The following ZFAND6 variants were observed in gnomAD, a reference collection of about 807,000 sequenced individuals.
The protein encoded by ZFAND6 is zinc finger AN1-type containing 6, also known as AN1-type zinc finger protein 6.
A neutral mutation model predicts 24.5 loss-of-function variants in ZFAND6; 12 were observed. The ratio of observed to expected loss-of-function variants is 0.49; its 90% CI spans 0.31 to 0.79. The LOEUF (loss-of-function observed/expected upper bound fraction) is 0.79. ZFAND6 is among the 30% of genes least tolerant of loss of function. ZFAND6 has a pLI of 0.04. For synonymous variants in ZFAND6, 92 were observed against 81.5 expected, an observed-to-expected ratio of 1.13 and a Z score of -0.69; for missense variants, 207 against 245.9, an observed-to-expected ratio of 0.84 and a Z score of 1.06.
intron 2 of ZFAND6, among the ~76,000 whole-genome samples, chr15:80,105,564 A>G (rs533121803): frequency 7.2e-5 from 11 of 152,320 alleles, no homozygotes; most frequent in Admixed American, 6.5e-4. Context: ...TATTTTCACA[A>G]TCACCGTCCC....
intron 2 of ZFAND6, 122 bp from the exon 3 acceptor site, chr15:80,120,206 C>G: frequency 1.3e-6 from 1 of 748,166 alleles, no homozygotes; most frequent in East Asian, 3.1e-5. Context: ...TGTCTTGGGA[C>G]AGTTATGTAG....
intron 1 of ZFAND6, among the ~76,000 whole-genome samples, chr15:80,091,667 C>T (rs573408530): frequency 1.9e-4 from 29 of 151,814 alleles, no homozygotes; most frequent in African/African-American, 6.8e-4. Flanking sequence ...GAGACAGGAT[C>T]TTGCTCTTGT....
chr15:80,100,477 T>C (rs539529088), intron 2 of ZFAND6, among the ~76,000 whole-genome samples: 3 of 150,604 alleles, frequency 2.0e-5, no homozygotes, highest in South Asian at 2.1e-4. Context: ...CAAATTTCTT[T>C]TTATCTCTCT....
intron 6 of ZFAND6, among the ~76,000 whole-genome samples, chr15:80,134,816 A>G (rs1036918473): frequency 1.3e-5 from 2 of 152,264 alleles, no homozygotes; most frequent in Non-Finnish European, 2.9e-5. Context: ...AAAGCGTGCA[A>G]GAAAACAGAT....
intron 1 of ZFAND6, among the ~76,000 whole-genome samples, chr15:80,063,105 A>G (rs910735255): frequency 4.6e-5 from 7 of 152,010 alleles, no homozygotes; most frequent in Admixed American, 3.9e-4. Context: ...TAAAATTGAA[A>G]CCTCTTACTG....
intron 1 of ZFAND6, among the ~76,000 whole-genome samples, chr15:80,074,541 A>G (rs933730081): frequency 6.6e-6 from 1 of 151,892 alleles, no homozygotes; most frequent in Non-Finnish European, 1.5e-5. Context: ...AACCTTTGTC[A>G]TTATTTGTGC....
intron 1 of ZFAND6, among the ~76,000 whole-genome samples, chr15:80,098,032 A>G (rs2038833421): frequency 6.6e-6 from 1 of 152,228 alleles, no homozygotes; most frequent in African/African-American, 2.4e-5. Context: ...GTGCTATGAC[A>G]TGTATACTTG....
intron 1 of ZFAND6, among the ~76,000 whole-genome samples, chr15:80,096,465 G>A (rs1397133853): frequency 1.3e-5 from 2 of 152,082 alleles, no homozygotes; most frequent in African/African-American, 4.8e-5. Context: ...ATGAGATTTT[G>A]AATTATTTTT....
At chr15:80,098,327 C>T (rs1233308508) in intron 1 of ZFAND6, 89 bp from the exon 2 acceptor site, 2 of 152,118 alleles carry the variant, frequency 1.3e-5, no homozygotes, top group African/African-American at 2.4e-5. Flanking sequence ...GCTATAATAG[C>T]GAAAGCACTC....
chr15:80,116,649 A>G (rs2039888806), intron 2 of ZFAND6, among the ~76,000 whole-genome samples: 1 of 152,336 alleles, frequency 6.6e-6, no homozygotes, highest in South Asian at 2.1e-4. Flanking sequence ...TTGATATTAC[A>G]CTAAAACTTG....
rs114961507 is a variant in ZFAND6, at chr15:80,089,766, G to T, written c.-180-8650G>T. Among the ~76,000 whole-genome samples, 101 of 152,206 alleles carry T rather than the reference G, an allele frequency of 6.6e-4. 1 individual carries two copies. Among genetic ancestry groups the T allele is most frequent in the Middle Eastern group, 6.8e-3 (2 of 294 alleles). ...TTAGCCTACTTGAGCCCTGGACCTT[G>T]ACTGCTGTCTGGATGCTTGAACTAT... On this transcript the variant is annotated intron_variant, in intron 1 of 6. Coordinates refer to ENST00000261749, the MANE Select transcript of ZFAND6 (RefSeq NM_019006.4).
chr15:80,091,066 T>C (rs1458586108), intron 1 of ZFAND6, among the ~76,000 whole-genome samples: 1 of 152,166 alleles, frequency 6.6e-6, no homozygotes, highest in Non-Finnish European at 1.5e-5. Context: ...TAGGTGTTAC[T>C]TGACTTGGCC....
chr15:80,075,926 A>G (rs570236426), intron 1 of ZFAND6, among the ~76,000 whole-genome samples: 3 of 152,184 alleles, frequency 2.0e-5, no homozygotes, highest in African/African-American at 7.2e-5. Context: ...TCTGCTACCA[A>G]TAGATTTTTG....
intron 2 of ZFAND6, among the ~76,000 whole-genome samples, chr15:80,100,735 G>A (rs2038984797): frequency 6.6e-6 from 1 of 152,130 alleles, no homozygotes; most frequent in Non-Finnish European, 1.5e-5. Flanking sequence ...ATTTGAGCTT[G>A]TTTTACTGTT....
At chr15:80,101,188 C>T (rs986363425) in intron 2 of ZFAND6, among the ~76,000 whole-genome samples, 1 of 152,156 alleles carries the variant, frequency 6.6e-6, no homozygotes, top group African/African-American at 2.4e-5. Context: ...CCCGGCTGGG[C>T]GTGGTGGCTC....
At chr15:80,120,571 CT>C in intron 3 of ZFAND6, 73 bp downstream of exon 3, 2 of 1,243,958 alleles carry the variant, frequency 1.6e-6, no homozygotes, top group Middle Eastern at 2.1e-4. Flanking sequence ...TACCCAATAC[CT>C]TTTTCTGCTC....
chr15:80,106,711 T>G (rs1398143842), intron 2 of ZFAND6, among the ~76,000 whole-genome samples: 1 of 152,108 alleles, frequency 6.6e-6, no homozygotes, highest in Non-Finnish European at 1.5e-5. Context: ...TTCCTCTGAA[T>G]TTGTGTAGGT....
intron 1 of ZFAND6, among the ~76,000 whole-genome samples, chr15:80,082,276 A>G (rs1567059255): frequency 6.6e-6 from 1 of 152,254 alleles, no homozygotes; most frequent in East Asian, 1.9e-4. Flanking sequence ...TATCAGACAC[A>G]TTAACTTTAA....
At chr15:80,129,794 T>C (rs1025712877) in intron 5 of ZFAND6, 1 of 152,186 alleles carries the variant, frequency 6.6e-6, no homozygotes, top group African/African-American at 2.4e-5. Context: ...AAGAGCTGAT[T>C]ATATAAGCTT....
Sources: allele counts gnomAD v4.1 joint callset (sites outside exome capture counted in the v4.1 genomes callset), GRCh38; gene constraint gnomAD v4.1.1; transcripts MANE v1.5; gene names NCBI Gene and HGNC (gene_info 2026-07-23, HGNC 2026-07-21).